The following ZNF746 variants were observed in gnomAD, a reference collection of about 807,000 sequenced individuals.
The protein encoded by ZNF746 is zinc finger protein 746, also known as parkin-interacting substrate.
ZNF746 carries 13 observed loss-of-function variants against 41.0 expected under a neutral mutation model. That is an observed-to-expected ratio of 0.32 (90% CI 0.21 to 0.50). ZNF746 has a LOEUF of 0.50. Among genes scored for constraint, ZNF746 ranks in the 20% least tolerant of loss-of-function variants. ZNF746 has a pLI of 0.98. For synonymous variants in ZNF746, 424 were observed against 396.2 expected (o/e 1.07, Z -0.83); for missense variants, 811 against 922.9 (o/e 0.88, Z 1.57).
rs1376287306 is a variant in ZNF746, at chr7:149,474,347, C to A, written c.*37G>T. 1 of 1,571,752 alleles carries A rather than the reference C, an allele frequency of 6.4e-7. No homozygotes were observed. Among genetic ancestry groups the A allele is most frequent in the South Asian group, 1.2e-5 (1 of 85,732 alleles). On this transcript the variant is annotated 3_prime_UTR_variant, in exon 7 of 7. Transcript: ENST00000458143. The surrounding 1 kb of genome is among the most constrained non-coding windows in gnomAD (Gnocchi z 6.3). ...TGCTGCCTGCACACGGGGCTTTTTA[C>A]ACGTGCGGCCGGCAGGGGCTATGGG...
At chr7:149,479,294 A>T (rs927091051) in intron 4 of ZNF746, among the ~76,000 whole-genome samples, 1 of 152,228 alleles carries the variant, frequency 6.6e-6, no homozygotes, top group African/African-American at 2.4e-5. Flanking sequence ...GAAAATAATG[A>T]CATTCAGACT....
intron 4 of ZNF746, among the ~76,000 whole-genome samples, chr7:149,486,365 T>C (rs1800622374): frequency 6.7e-6 from 1 of 149,884 alleles, no homozygotes; most frequent in Non-Finnish European, 1.5e-5. Context: ...CTCCTGGATC[T>C]ACACCTACAG....
At chr7:149,495,201 A>G (rs1391357424) in intron 1 of ZNF746, among the ~76,000 whole-genome samples, 1 of 151,916 alleles carries the variant, frequency 6.6e-6, no homozygotes, top group African/African-American at 2.4e-5. Flanking sequence ...GCAAATCTCC[A>G]TCAGTCCAGA....
At chr7:149,483,570 G>A (rs893452996) in intron 4 of ZNF746, among the ~76,000 whole-genome samples, 5 of 151,634 alleles carry the variant, frequency 3.3e-5, no homozygotes, top group African/African-American at 7.3e-5. Context: ...TCGCGCCACT[G>A]TACTCCAGCC....
Position 149,474,581 on chromosome 7 carries a change from G to A in ZNF746, c.1786C>T (p.His596Tyr). The change falls in exon 7 of 7, where the codon CAC becomes TAC. Residue 596 changes from histidine (H) to tyrosine (Y), a missense_variant. His to Tyr is a moderately conservative substitution (Grantham distance 83, BLOSUM62 2). Coordinates refer to ENST00000458143, the MANE Select transcript of ZNF746 (RefSeq NM_001394198.1). The surrounding 1 kb of genome is among the most constrained non-coding windows in gnomAD (Gnocchi z 6.3). ...TGGTTGCGCTGGTGCTTGCGGAGGT[G>A]GTCCTTGCGGATGAAGCTTTTGCCG... ...VCGKSFIRKDHLRKHQRNHAA... is the reference protein window; with the variant it reads ...VCGKSFIRKDYLRKHQRNHAA... 1 of 1,612,082 alleles carries A rather than the reference G, an allele frequency of 6.2e-7. No homozygotes were observed. Among genetic ancestry groups the A allele is most frequent in the Non-Finnish European group, 8.5e-7 (1 of 1,178,924 alleles).
At chr7:149,484,863 T>C (rs1327985193) in intron 4 of ZNF746, among the ~76,000 whole-genome samples, 1 of 152,146 alleles carries the variant, frequency 6.6e-6, no homozygotes, top group African/African-American at 2.4e-5. Flanking sequence ...CATTTTTATA[T>C]ATTAATACTG....
chr7:149,487,012 A>G (rs964634794), intron 4 of ZNF746, among the ~76,000 whole-genome samples: 1 of 152,170 alleles, frequency 6.6e-6, no homozygotes, highest in Non-Finnish European at 1.5e-5. Flanking sequence ...CTTCATCTGT[A>G]ATTACAGCCA....
chr7:149,474,240 C>G lies in ZNF746; in HGVS notation c.*144G>C. The G allele has an allele frequency of 1.1e-6, 1 of 937,098 alleles. No individual in the cohort carries two copies. The highest frequency in any genetic ancestry group is 1.6e-6 in the Non-Finnish European group (1 of 637,308). 58.0% of individuals were successfully genotyped at this position (937,098 alleles called of 1,614,324 possible). On this transcript the variant is annotated 3_prime_UTR_variant, in exon 7 of 7. Transcript: ENST00000458143. The surrounding 1 kb of genome is among the most constrained non-coding windows in gnomAD (Gnocchi z 6.3). Reference sequence around the variant, plus strand: ...GCAGCTGTCCTGGTGGATAGTTTCTCTTTCTCCAGTGATCATCAGTTCAGC... The same window carrying G: ...GCAGCTGTCCTGGTGGATAGTTTCTGTTTCTCCAGTGATCATCAGTTCAGC...
intron 4 of ZNF746, among the ~76,000 whole-genome samples, chr7:149,486,879 G>T (rs1800641192): frequency 1.3e-5 from 2 of 152,172 alleles, no homozygotes; most frequent in African/African-American, 4.8e-5. Flanking sequence ...CACGAATTTT[G>T]TTCTGTATGT....
chr7:149,481,611 C>G (rs1800487851), intron 4 of ZNF746, among the ~76,000 whole-genome samples: 1 of 152,136 alleles, frequency 6.6e-6, no homozygotes, highest in African/African-American at 2.4e-5. Context: ...CATATAAACT[C>G]ATATACACAC....
chr7:149,496,441 TCATC>T (rs1414172144), intron 1 of ZNF746, among the ~76,000 whole-genome samples: 1 of 152,166 alleles, frequency 6.6e-6, no homozygotes, highest in Non-Finnish European at 1.5e-5. Context: ...GCCGGATCCC[TCATC>T]CACTGCCCAC....
At chr7:149,486,872 G>A (rs761624323) in intron 4 of ZNF746, among the ~76,000 whole-genome samples, 4 of 152,164 alleles carry the variant, frequency 2.6e-5, no homozygotes, top group South Asian at 2.1e-4. Flanking sequence ...AATGTCACAC[G>A]AATTTTGTTC....
intron 1 of ZNF746, among the ~76,000 whole-genome samples, chr7:149,496,286 A>G (rs1189678897): frequency 6.6e-6 from 1 of 152,316 alleles, no homozygotes; most frequent in East Asian, 1.9e-4. Context: ...AGGTCTTCAC[A>G]CTATGTGGTG....
rs955506947 is a variant in ZNF746, at chr7:149,497,474, C to T, written c.24+39G>A. On this transcript the variant is annotated intron_variant, in intron 1 of 6. Coordinates refer to ENST00000458143, the MANE Select transcript of ZNF746 (RefSeq NM_001394198.1). The surrounding 1 kb of genome is among the most constrained non-coding windows in gnomAD (Gnocchi z 4.2). ...TGCCGGGGCCGGGCCGCCTGGGGCC[C>T]CCAGGCCGCGAGTCCCTGCGCGCGC... 5.5e-6 allele frequency: 6 copies of T among 1,084,940 alleles called. No individual in the cohort carries two copies. Among genetic ancestry groups the T allele is most frequent in the Non-Finnish European group, 5.6e-6 (5 of 899,424 alleles). The allele number at this position is 1,084,940 out of a possible 1,614,324, so 67.2% of individuals were successfully genotyped here.
chr7:149,487,727 C>T (rs1442701175), intron 4 of ZNF746: 1 of 151,942 alleles, frequency 6.6e-6, no homozygotes, highest in Non-Finnish European at 1.5e-5. Context: ...TAATGAAAAA[C>T]AACTATCAGA....
chr7:149,478,814 G>C (rs1162993666), intron 4 of ZNF746, among the ~76,000 whole-genome samples: 1 of 152,132 alleles, frequency 6.6e-6, no homozygotes, highest in Admixed American at 6.5e-5. Context: ...AAATTATTTT[G>C]AAAAAGGCAG....
intron 3 of ZNF746, 52 bp from the exon 4 acceptor site, chr7:149,493,024 A>G: frequency 8.0e-7 from 1 of 1,252,490 alleles, no homozygotes; most frequent in Non-Finnish European, 1.2e-6. Flanking sequence ...AAAGCTGGGG[A>G]CAGTCATCCC....
intron 1 of ZNF746, among the ~76,000 whole-genome samples, chr7:149,495,920 T>C (rs773615060): frequency 5.9e-5 from 9 of 152,070 alleles, no homozygotes; most frequent in South Asian, 2.1e-4. Flanking sequence ...GTGGGAGTCT[T>C]GCTCTCAAGG....
In ZNF746 at chr7:149,486,990, G is replaced by A. The variant is rs182615490; in HGVS notation, c.565+5869C>T. ...GCACAGCAGGGGGTGGGTGGAAGAC[G>A]AGCAAGTGAAGCTTCATCTGTAATT... On this transcript the variant is annotated intron_variant, in intron 4 of 6. Transcript: ENST00000458143. 1.6e-4 allele frequency among the ~76,000 whole-genome samples: 25 copies of A among 152,334 alleles called. No individual in the cohort carries two copies. In the East Asian group the frequency reaches 3.3e-3, roughly 20 times the overall value.
Sources: gnomAD v4.1 joint callset for allele counts (sites outside exome capture counted in the v4.1 genomes callset) on GRCh38, gnomAD v4.1.1 for gene constraint, Gnocchi (gnomAD v3.1) non-coding constraint, MANE v1.5 for transcripts, NCBI Gene and HGNC (gene_info 2026-07-23, HGNC 2026-07-21) for gene names.